KCNT2: variants seen among roughly 807,000 people sequenced by gnomAD.
KCNT2 encodes potassium sodium-activated channel subfamily T member 2.
In KCNT2, 67 loss-of-function variants were observed where a neutral mutation model predicts 153.8. The ratio of observed to expected loss-of-function variants is 0.44; its 90% CI spans 0.36 to 0.53. KCNT2 has a LOEUF of 0.53. Among genes scored for constraint, KCNT2 ranks in the 20% least tolerant of loss-of-function variants. KCNT2 has a pLI of 0.00. For synonymous variants in KCNT2, 500 were observed against 458.8 expected (o/e 1.09, Z -1.15); for missense variants, 975 against 1,354.8 (o/e 0.72, Z 4.40).
Position 196,436,013 on chromosome 1 carries a change from A to T in KCNT2, c.639-6256T>A, listed in dbSNP as rs372572284. On this transcript the variant is annotated intron_variant, in intron 8 of 27. Coordinates refer to ENST00000294725, the MANE Select transcript of KCNT2 (RefSeq NM_198503.5). Reference sequence around the variant, plus strand: ...AGCCTCATAAAATCCTAAAAAATTCATTTAAAAAGTATTTTTAAAATTACT... The same window carrying T: ...AGCCTCATAAAATCCTAAAAAATTCTTTTAAAAAGTATTTTTAAAATTACT... Among the ~76,000 whole-genome samples, 11 of 151,802 alleles carry T rather than the reference A, an allele frequency of 7.2e-5. No homozygotes were observed. The East Asian group carries it at 1.7e-3, about 24-fold the overall frequency.
At chr1:196,485,596 C>A (rs1396554832) in intron 3 of KCNT2, among the ~76,000 whole-genome samples, 1 of 151,608 alleles carries the variant, frequency 6.6e-6, no homozygotes, top group Non-Finnish European at 1.5e-5. Flanking sequence ...ATACTTATTT[C>A]CCAGTCTAGA....
intron 1 of KCNT2, among the ~76,000 whole-genome samples, chr1:196,525,416 G>A (rs1284903224): frequency 4.6e-5 from 7 of 152,020 alleles, no homozygotes; most frequent in African/African-American, 1.4e-4. Context: ...TACATGTAAC[G>A]TTGAGTTTCT....
In KCNT2 at chr1:196,608,403, A is replaced by G; in HGVS notation, c.-94T>C. ...GCGGAGTACAGGGAGAGGACTAACAAGACGCTGTGGCCGAGAGAGGGATGG... is the reference window on the plus strand; with the variant it reads ...GCGGAGTACAGGGAGAGGACTAACAGGACGCTGTGGCCGAGAGAGGGATGG... On this transcript the variant is annotated 5_prime_UTR_variant, in exon 1 of 28. Transcript: ENST00000294725. The G allele has an allele frequency of 1.1e-6, 1 of 936,064 alleles. No homozygotes were observed. Among genetic ancestry groups the G allele is most frequent in the South Asian group, 1.3e-5 (1 of 74,748 alleles). The allele number at this position is 936,064 out of a possible 1,614,324, so 58.0% of individuals were successfully genotyped here.
At chr1:196,527,168 AG>A (rs1281381785) in intron 1 of KCNT2, among the ~76,000 whole-genome samples, 2 of 152,186 alleles carry the variant, frequency 1.3e-5, no homozygotes, top group African/African-American at 2.4e-5. Flanking sequence ...GGTGCCAAAA[AG>A]GTTGGGGACC....
At position 196,489,748 on chromosome 1, in the gene KCNT2, A is replaced by C. The variant is rs1679717684; in HGVS notation, c.275+90T>G. 3 of 720,540 alleles carry C rather than the reference A, an allele frequency of 4.2e-6. No homozygotes were observed. In the East Asian group the frequency reaches 8.5e-5, roughly 20 times the overall value. 44.6% of individuals were successfully genotyped at this position (720,540 alleles called of 1,614,324 possible). On this transcript the variant is annotated intron_variant, in intron 3 of 27. Transcript: ENST00000294725. ...ACACCTAAAATACCCTTAAAAATTA[A>C]GCTCTACACAACATGCTTTAAATTT...
At chr1:196,409,199 T>C (rs902143508) in intron 12 of KCNT2, among the ~76,000 whole-genome samples, 3 of 151,398 alleles carry the variant, frequency 2.0e-5, no homozygotes, top group Admixed American at 6.6e-5. Flanking sequence ...GATTAGTATT[T>C]GTGCAGTGTA....
At chr1:196,581,782 T>A (rs1050558619) in intron 1 of KCNT2, among the ~76,000 whole-genome samples, 2 of 152,120 alleles carry the variant, frequency 1.3e-5, no homozygotes, top group Non-Finnish European at 2.9e-5. Context: ...TAAAAATATA[T>A]CAAATTCACT....
At chr1:196,503,582 C>T (rs1208865304) in intron 1 of KCNT2, among the ~76,000 whole-genome samples, 1 of 152,108 alleles carries the variant, frequency 6.6e-6, no homozygotes, top group Non-Finnish European at 1.5e-5. Context: ...TAAAGATGCT[C>T]TGACAGTCTA....
chr1:196,424,591 C>T (rs1244346519), intron 11 of KCNT2, among the ~76,000 whole-genome samples: 1 of 151,484 alleles, frequency 6.6e-6, no homozygotes, highest in African/African-American at 2.4e-5. Context: ...ATTTAATCCA[C>T]CAAAAAGATG....
At chr1:196,550,530 C>G (rs1657756060) in intron 1 of KCNT2, among the ~76,000 whole-genome samples, 1 of 151,774 alleles carries the variant, frequency 6.6e-6, no homozygotes. Context: ...TAGCTTTAGA[C>G]TTGTAGTCTT....
At chr1:196,268,722 CA>C (rs1302496333) in intron 25 of KCNT2, among the ~76,000 whole-genome samples, 1 of 151,966 alleles carries the variant, frequency 6.6e-6, no homozygotes, top group African/African-American at 2.4e-5. Flanking sequence ...AAACCTCACC[CA>C]AAACCCAGCC....
chr1:196,522,862 C>A (rs1402071278), intron 1 of KCNT2, among the ~76,000 whole-genome samples: 2 of 152,194 alleles, frequency 1.3e-5, no homozygotes, highest in East Asian at 3.9e-4. Context: ...ATGGACCAAT[C>A]AGCACTCTGT....
At chr1:196,502,127 T>TA (rs1208821322) in intron 1 of KCNT2, among the ~76,000 whole-genome samples, 2 of 151,962 alleles carry the variant, frequency 1.3e-5, no homozygotes, top group South Asian at 2.1e-4. Flanking sequence ...AAAAATAAAT[T>TA]AAAAAAAAGA....
intron 1 of KCNT2, among the ~76,000 whole-genome samples, chr1:196,501,650 A>G (rs1403751806): frequency 6.6e-6 from 1 of 152,198 alleles, no homozygotes; most frequent in Admixed American, 6.5e-5. Flanking sequence ...TACAATGTTC[A>G]CTATTCAGAT....
chr1:196,591,130 T>A (rs926198693), intron 1 of KCNT2, among the ~76,000 whole-genome samples: 2 of 152,072 alleles, frequency 1.3e-5, no homozygotes, highest in Non-Finnish European at 2.9e-5. Flanking sequence ...TGAGGGCGGA[T>A]CCTTCATGAA....
chr1:196,231,756 A>G (rs992772267), intron 27 of KCNT2, among the ~76,000 whole-genome samples: 1 of 151,838 alleles, frequency 6.6e-6, no homozygotes, highest in Non-Finnish European at 1.5e-5. Flanking sequence ...AGTCAAAAAC[A>G]AAGGTAGGAA....
rs1364655532 is a variant in KCNT2 at position 196,226,002 on chromosome 1, T to C, written c.*2222A>G. On this transcript the variant is annotated 3_prime_UTR_variant, in exon 28 of 28. Coordinates refer to ENST00000294725, the MANE Select transcript of KCNT2 (RefSeq NM_198503.5). ...TTTATTCTTTAAATAACAGAAAGAC[T>C]AATAAATTATCATTATTGTAGCAAG... 3.3e-5 allele frequency: 5 copies of C among 152,106 alleles called. No individual in the cohort carries two copies. The highest frequency in any genetic ancestry group is 7.4e-5 in the Non-Finnish European group (5 of 67,936). The allele number at this position is 152,106 out of a possible 1,614,324, so 9.4% of individuals were successfully genotyped here.
At chr1:196,533,376 G>C (rs891693258) in intron 1 of KCNT2, among the ~76,000 whole-genome samples, 13 of 152,008 alleles carry the variant, frequency 8.6e-5, no homozygotes, top group Admixed American at 7.2e-4. Flanking sequence ...TCTGTGGAGA[G>C]GTCTATATGT....
intron 14 of KCNT2, among the ~76,000 whole-genome samples, chr1:196,355,035 CGG>C (rs1558187496): frequency 1.3e-5 from 2 of 151,568 alleles, no homozygotes; most frequent in African/African-American, 4.8e-5. Flanking sequence ...ATATAATTTA[CGG>C]TACGGGGGTA....
Sources: gnomAD v4.1 joint callset for allele counts (sites outside exome capture counted in the v4.1 genomes callset) on GRCh38, gnomAD v4.1.1 for gene constraint, MANE v1.5 for transcripts, NCBI Gene and HGNC (gene_info 2026-07-23, HGNC 2026-07-21) for gene names.